The following ZC3H13 variants were observed in gnomAD, a reference collection of about 807,000 sequenced individuals.
The protein encoded by ZC3H13 is zinc finger CCCH-type containing 13.
A neutral mutation model predicts 204.1 loss-of-function variants in ZC3H13; 64 were observed. The ratio of observed to expected loss-of-function variants is 0.31; its 90% confidence interval spans 0.26 to 0.39. ZC3H13 has a LOEUF of 0.39. ZC3H13 is among the 10% of genes least tolerant of loss of function. The pLI, the probability that ZC3H13 is intolerant of heterozygous loss-of-function variation, is 1.00. For missense variants in ZC3H13, 1,833 were observed against 2,082.7 expected (o/e 0.88, Z 2.33); for synonymous variants, 667 against 693.7 (o/e 0.96, Z 0.60).
At chr13:46,006,009 C>G (rs1015277626) in intron 7 of ZC3H13, among the ~76,000 whole-genome samples, 1 of 151,484 alleles carries the variant, frequency 6.6e-6, no homozygotes, top group African/African-American at 2.4e-5. Flanking sequence ...GCAGAAGAAC[C>G]GCTTGAACCC....
chr13:46,018,057 C>G (rs1338261315), intron 5 of ZC3H13, among the ~76,000 whole-genome samples: 2 of 152,026 alleles, frequency 1.3e-5, no homozygotes, highest in Non-Finnish European at 2.9e-5. Context: ...AAGGGGCACA[C>G]AGAATACAAG....
At position 46,020,518 on chromosome 13, in the gene ZC3H13, T is replaced by A; in HGVS notation, c.379A>T (p.Ile127Leu). The change falls in exon 5 of 19, where the codon ATA becomes TTA. Residue 127 changes from isoleucine to leucine, a missense_variant. Transcript: ENST00000679008. Reference protein sequence around the residue: ...SRGRHREKEDIKITKERTPES... With the variant: ...SRGRHREKEDLKITKERTPES... Reference sequence around the variant, plus strand: ...GGAGTTCTTTCCTTAGTGATTTTTATGTCTTCCTTTTCCCTATGTCTCCCT... The same window carrying A: ...GGAGTTCTTTCCTTAGTGATTTTTAAGTCTTCCTTTTCCCTATGTCTCCCT... The A allele has an allele frequency of 6.2e-7, 1 of 1,611,856 alleles. No individual in the cohort carries two copies. Among genetic ancestry groups the A allele is most frequent in the Non-Finnish European group, 8.5e-7 (1 of 1,178,932 alleles).
chr13:45,962,941 C>T, intron 17 of ZC3H13: 1 of 985,362 alleles, frequency 1.0e-6, no homozygotes, highest in Non-Finnish European at 1.2e-6. Context: ...ACAACCCCTA[C>T]CACCAGAATC....
chr13:45,960,817 T>C (rs1429487976), intron 17 of ZC3H13, among the ~76,000 whole-genome samples: 2 of 152,126 alleles, frequency 1.3e-5, no homozygotes, highest in Admixed American at 6.5e-5. Context: ...TGGGTAAAAA[T>C]AAAAGACACA....
intron 3 of ZC3H13, among the ~76,000 whole-genome samples, chr13:46,043,683 T>G (rs1476752064): frequency 6.6e-6 from 1 of 151,910 alleles, no homozygotes; most frequent in African/African-American, 2.4e-5. Context: ...AATGCACAAA[T>G]ACGAAAGAAG....
chr13:45,958,454 T>C (rs1027708976), intron 18 of ZC3H13, among the ~76,000 whole-genome samples: 1 of 152,154 alleles, frequency 6.6e-6, no homozygotes, highest in African/African-American at 2.4e-5. Context: ...GATTTGGAAA[T>C]TTTTTTGGAT....
At chr13:45,992,093 A>C (rs1057001371) in intron 8 of ZC3H13, among the ~76,000 whole-genome samples, 1 of 152,160 alleles carries the variant, frequency 6.6e-6, no homozygotes, top group African/African-American at 2.4e-5. Flanking sequence ...AAATCATGTA[A>C]AATGTATACA....
chr13:46,049,150 C>CTAA (rs2044222974), intron 1 of ZC3H13, among the ~76,000 whole-genome samples: 1 of 91,854 alleles, frequency 1.1e-5, no homozygotes, highest in Non-Finnish European at 2.2e-5. Context: ...GACTCCGTCT[C>CTAA]AAAAAAAAAA....
At chr13:45,972,600 T>C (rs1421137695) in intron 12 of ZC3H13, among the ~76,000 whole-genome samples, 1 of 152,070 alleles carries the variant, frequency 6.6e-6, no homozygotes, top group Non-Finnish European at 1.5e-5. Flanking sequence ...AACAAAAACA[T>C]ACCAGCACAT....
In ZC3H13 at chr13:45,980,015, G is replaced by T. The variant is rs1346184774; in HGVS notation, c.1721-11C>A. ...TTGAGCCTCGACTTCCTAAACAAAGGATAGACACACAAATGTTTACCACAT... is the reference window on the plus strand; with the variant it reads ...TTGAGCCTCGACTTCCTAAACAAAGTATAGACACACAAATGTTTACCACAT... On this transcript the variant is annotated splice_polypyrimidine_tract_variant and intron_variant, in intron 10 of 18. Transcript: ENST00000679008. 4 of 1,581,402 alleles carry T rather than the reference G, an allele frequency of 2.5e-6. No individual in the cohort carries two copies. The highest frequency in any genetic ancestry group is 1.2e-5 in the South Asian group (1 of 85,410).
intron 12 of ZC3H13, among the ~76,000 whole-genome samples, chr13:45,974,196 C>T (rs1288680227): frequency 6.6e-6 from 1 of 152,174 alleles, no homozygotes; most frequent in African/African-American, 2.4e-5. Flanking sequence ...TTTGTGCCCA[C>T]AGAACTTCAA....
At chr13:45,975,209 G>T in intron 12 of ZC3H13, 74 bp downstream of exon 12, 1 of 1,528,472 alleles carries the variant, frequency 6.5e-7, no homozygotes, top group South Asian at 1.3e-5. Flanking sequence ...AGAGTATATT[G>T]AAAAGCATTA....
chr13:46,050,497 G>C (rs181156380), intron 1 of ZC3H13, among the ~76,000 whole-genome samples: 1 of 152,056 alleles, frequency 6.6e-6, no homozygotes, highest in Admixed American at 6.5e-5. Context: ...CAAACAATTA[G>C]GCAATTAAAA....
At chr13:46,032,258 T>C (rs1593764904) in intron 4 of ZC3H13, among the ~76,000 whole-genome samples, 1 of 152,090 alleles carries the variant, frequency 6.6e-6, no homozygotes, top group African/African-American at 2.4e-5. Context: ...ACATAGTGTT[T>C]TTCTAAAACC....
intron 4 of ZC3H13, among the ~76,000 whole-genome samples, chr13:46,031,540 C>T (rs1412011755): frequency 6.6e-6 from 1 of 151,848 alleles, no homozygotes; most frequent in Non-Finnish European, 1.5e-5. Context: ...AAGACATATG[C>T]AATAAGGACT....
At chr13:46,043,875 G>C (rs1181271891) in intron 3 of ZC3H13, among the ~76,000 whole-genome samples, 1 of 151,762 alleles carries the variant, frequency 6.6e-6, no homozygotes, top group Non-Finnish European at 1.5e-5. Context: ...ATTTTAAAAT[G>C]TATCAAAAGT....
chr13:46,002,265 C>T (rs1414890433), intron 8 of ZC3H13, among the ~76,000 whole-genome samples: 1 of 152,094 alleles, frequency 6.6e-6, no homozygotes, highest in Non-Finnish European at 1.5e-5. Context: ...AACAAACAAA[C>T]TAAGTGTTGG....
chr13:45,982,044 T>C (rs552471509), intron 10 of ZC3H13, among the ~76,000 whole-genome samples: 46 of 148,754 alleles, frequency 3.1e-4, no homozygotes, highest in Non-Finnish European at 5.7e-4. Context: ...AATAAATAAA[T>C]AAACAAATAA....
rs1357615108 is a variant in ZC3H13, at chr13:45,969,350, CTGAA to C, written c.3190_3193del (p.Phe1064ValfsTer14). ...AGGGACATCCTCATCAGACCAGTCA[CTGAA>C]TGCTGTATCTTCTTTTTTCTGGGAG... On this transcript the variant is annotated frameshift_variant, in exon 14 of 19. Transcript: ENST00000679008. LOFTEE classifies it high-confidence loss of function. 1 of 1,614,048 alleles carries C rather than the reference CTGAA, an allele frequency of 6.2e-7. No homozygotes were observed. The highest frequency in any genetic ancestry group is 1.7e-5 in the Admixed American group (1 of 60,012).
Sources: allele counts gnomAD v4.1 joint callset (sites outside exome capture counted in the v4.1 genomes callset), GRCh38; gene constraint gnomAD v4.1.1; transcripts MANE v1.5; gene names NCBI Gene and HGNC (gene_info 2026-07-23, HGNC 2026-07-21).